The following PTPRD variants were observed in gnomAD, a reference collection of about 807,000 sequenced individuals.
The protein encoded by PTPRD is protein tyrosine phosphatase receptor type D, also known as receptor-type tyrosine-protein phosphatase delta.
A neutral mutation model predicts 214.5 loss-of-function variants in PTPRD; 34 were observed. The observed-to-expected ratio is 0.16, with a 90% CI of 0.12 to 0.21. The LOEUF (loss-of-function observed/expected upper bound fraction) is 0.21, where lower values mean the gene tolerates loss of function less well. Ranked by LOEUF, PTPRD falls within the 10% of genes least tolerant of loss-of-function variation. The pLI, the probability that PTPRD is intolerant of heterozygous loss-of-function variation, is 1.00. For missense variants in PTPRD, 2,545 were observed against 2,398.7 expected (o/e 1.06, Z -1.27); for synonymous variants, 1,128 against 845.7 (o/e 1.33, Z -5.79).
chr9:8,864,329 A>T (rs2098158359), intron 11 of PTPRD, among the ~76,000 whole-genome samples: 1 of 152,148 alleles, frequency 6.6e-6, no homozygotes, highest in Admixed American at 6.5e-5. Context: ...ATCTCTCAAG[A>T]CTCGGACATG....
intron 9 of PTPRD, among the ~76,000 whole-genome samples, chr9:9,337,009 T>A (rs1401888663): frequency 6.6e-6 from 1 of 152,160 alleles, no homozygotes; most frequent in Non-Finnish European, 1.5e-5. Flanking sequence ...AGGGACAATT[T>A]AAAAATTTTT....
chr9:9,796,002 T>C (rs183788207), intron 5 of PTPRD, among the ~76,000 whole-genome samples: 10 of 152,264 alleles, frequency 6.6e-5, no homozygotes, highest in African/African-American at 1.9e-4. Context: ...AGAAAATATA[T>C]AGAATTACAG....
intron 12 of PTPRD, among the ~76,000 whole-genome samples, chr9:8,650,171 G>A (rs1270145367): frequency 6.6e-6 from 1 of 152,044 alleles, no homozygotes. Flanking sequence ...TCCGGCCTCA[G>A]TCTCCCAAAG....
intron 11 of PTPRD, among the ~76,000 whole-genome samples, chr9:8,851,908 C>A: frequency 6.6e-6 from 1 of 152,102 alleles, no homozygotes; most frequent in Non-Finnish European, 1.5e-5. Flanking sequence ...GAACCTGGGT[C>A]GAGATTTTGC....
rs2099568842 is a variant in PTPRD at position 10,220,891 on chromosome 9, G to C, written c.-545+120072C>G. ...CAGGCTTGGGAAATAGAAGAGAAGA[G>C]AGAAAGCTAAAGGGCACAAGGAAGA... is the stretch of plus-strand genomic sequence containing the variant. On this transcript the variant is annotated intron_variant, in intron 3 of 45. Coordinates refer to ENST00000381196, the MANE Select transcript of PTPRD (RefSeq NM_002839.4). Among the ~76,000 whole-genome samples the C allele has an allele frequency of 2.0e-5, 3 of 150,924 alleles. No homozygotes were observed. In the South Asian group the frequency reaches 6.3e-4, roughly 32 times the overall value.
At chr9:8,815,115 T>C (rs988123744) in intron 11 of PTPRD, among the ~76,000 whole-genome samples, 3 of 152,064 alleles carry the variant, frequency 2.0e-5, no homozygotes, top group Non-Finnish European at 2.9e-5. Flanking sequence ...TTAGTTTTTT[T>C]TTTTTCATTT....
chr9:8,553,035 G>C (rs1412671196), intron 14 of PTPRD, among the ~76,000 whole-genome samples: 1 of 152,164 alleles, frequency 6.6e-6, no homozygotes, highest in Non-Finnish European at 1.5e-5. Context: ...AATCACTTGA[G>C]CTGGCCCAGA....
intron 11 of PTPRD, among the ~76,000 whole-genome samples, chr9:8,934,439 ATATATAT>A: frequency 2.3e-5 from 1 of 44,192 alleles, no homozygotes; most frequent in Non-Finnish European, 4.4e-5. Flanking sequence ...ATATATAAAT[ATATATAT>A]AAATTTATAT....
At chr9:10,063,659 A>G (rs2097821760) in intron 3 of PTPRD, among the ~76,000 whole-genome samples, 1 of 152,052 alleles carries the variant, frequency 6.6e-6, no homozygotes, top group Non-Finnish European at 1.5e-5. Context: ...GATTACAAAT[A>G]TACACAATTT....
chr9:9,231,191 T>G (rs976366322), intron 9 of PTPRD, among the ~76,000 whole-genome samples: 1 of 152,162 alleles, frequency 6.6e-6, no homozygotes, highest in African/African-American at 2.4e-5. Context: ...AAAGATAGTC[T>G]CAGTACAGTT....
intron 7 of PTPRD, among the ~76,000 whole-genome samples, chr9:9,664,871 G>C (rs914358818): frequency 1.3e-5 from 2 of 151,606 alleles, no homozygotes; most frequent in Non-Finnish European, 3.0e-5. Flanking sequence ...CCTGAAACTA[G>C]AGCATATTAG....
chr9:8,873,502 T>A (rs2098337319), intron 11 of PTPRD, among the ~76,000 whole-genome samples: 1 of 152,182 alleles, frequency 6.6e-6, no homozygotes, highest in African/African-American at 2.4e-5. Context: ...CAATTATAAA[T>A]ATGTGTTAAC....
chr9:9,909,543 T>G (rs551897387), intron 5 of PTPRD, among the ~76,000 whole-genome samples: 6 of 151,982 alleles, frequency 3.9e-5, no homozygotes, highest in African/African-American at 1.4e-4. Flanking sequence ...TATATTTATA[T>G]GAATTTATTA....
At chr9:8,528,872 G>A (rs1317028906) in intron 14 of PTPRD, 93 bp from the exon 15 acceptor site, 8 of 1,264,674 alleles carry the variant, frequency 6.3e-6, no homozygotes, top group Non-Finnish European at 8.9e-6. Context: ...ACCTTACTCA[G>A]TGCTTGTTGA....
chr9:8,778,783 C>T, intron 11 of PTPRD, among the ~76,000 whole-genome samples: 1 of 152,190 alleles, frequency 6.6e-6, no homozygotes, highest in East Asian at 1.9e-4. Context: ...TTCATCCACT[C>T]TGAGCTTCAG....
At chr9:8,579,902 A>T (rs1485043059) in intron 14 of PTPRD, among the ~76,000 whole-genome samples, 1 of 152,218 alleles carries the variant, frequency 6.6e-6, no homozygotes, top group African/African-American at 2.4e-5. Context: ...CAGGCTAAAC[A>T]GTTCCCTCTT....
chr9:9,434,743 T>G (rs12336802), intron 8 of PTPRD, among the ~76,000 whole-genome samples: 3 of 151,806 alleles, frequency 2.0e-5, no homozygotes. Flanking sequence ...CCCATAAATA[T>G]GTACAATTAC....
chr9:9,757,143 C>T (rs1327464869), intron 6 of PTPRD, among the ~76,000 whole-genome samples: 1 of 152,038 alleles, frequency 6.6e-6, no homozygotes, highest in Non-Finnish European at 1.5e-5. Context: ...ACCGAGATTC[C>T]CTTTATGACC....
chr9:10,281,045 T>C (rs1412294895), intron 3 of PTPRD, among the ~76,000 whole-genome samples: 1 of 152,196 alleles, frequency 6.6e-6, no homozygotes, highest in Non-Finnish European at 1.5e-5. Context: ...CAGTTTTGCT[T>C]CATTTATGAT....
Sources: gnomAD v4.1 joint callset for allele counts (sites outside exome capture counted in the v4.1 genomes callset) on GRCh38, gnomAD v4.1.1 for gene constraint, MANE v1.5 for transcripts, NCBI Gene and HGNC (gene_info 2026-07-23, HGNC 2026-07-21) for gene names.